Variants in ATP2B2 observed in about 807,000 individuals in gnomAD.
The protein encoded by ATP2B2 is ATPase plasma membrane Ca2+ transporting 2.
ATP2B2 carries 15 observed loss-of-function variants against 120.0 expected under a neutral mutation model. That is an observed-to-expected ratio of 0.12 (90% confidence interval 0.08 to 0.19). The LOEUF is 0.19. Among genes scored for constraint, ATP2B2 ranks in the 10% least tolerant of loss-of-function variants. The pLI is 1.00. For synonymous variants in ATP2B2, 694 were observed against 700.3 expected (o/e 0.99, Z 0.14); for missense variants, 1,045 against 1,719.8 (o/e 0.61, Z 6.94).
At position 10,349,978 on chromosome 3, in the gene ATP2B2, T is replaced by C. The variant is rs1574978365; in HGVS notation, c.2404+134A>G. The C allele has an allele frequency of 3.5e-6, 3 of 859,578 alleles. No individual in the cohort carries two copies. In the East Asian group the frequency reaches 8.0e-5, roughly 23 times the overall value. 53.2% of individuals were successfully genotyped at this position (859,578 alleles called of 1,614,324 possible). On this transcript the variant is annotated intron_variant, in intron 16 of 22. Coordinates refer to ENST00000360273, the MANE Select transcript of ATP2B2 (RefSeq NM_001001331.4). Reference sequence around the variant, plus strand: ...GGCTGAAAAGGGGGTGACATAAGGCTGTGCCCAGGTGTGGAGAGTCAGGGG... The same window carrying C: ...GGCTGAAAAGGGGGTGACATAAGGCCGTGCCCAGGTGTGGAGAGTCAGGGG...
intron 1 of ATP2B2, among the ~76,000 whole-genome samples, chr3:10,473,702 A>T (rs1277060545): frequency 6.6e-6 from 1 of 152,174 alleles, no homozygotes; most frequent in African/African-American, 2.4e-5. Context: ...TGCCAGGGGG[A>T]TGTGCAAAGA....
At chr3:10,621,917 C>T (rs1241424559) in intron 1 of ATP2B2, among the ~76,000 whole-genome samples, 1 of 152,244 alleles carries the variant, frequency 6.6e-6, no homozygotes, top group East Asian at 1.9e-4. Context: ...TGTGCAGAAG[C>T]CCACACACGC....
intron 3 of ATP2B2, among the ~76,000 whole-genome samples, chr3:10,531,092 T>G (rs1436551161): frequency 1.3e-5 from 2 of 152,204 alleles, no homozygotes; most frequent in African/African-American, 4.8e-5. Context: ...AGCTGCTTTG[T>G]GGTTGGAACA....
At chr3:10,432,076 C>T (rs2063333179) in intron 2 of ATP2B2, among the ~76,000 whole-genome samples, 2 of 152,206 alleles carry the variant, frequency 1.3e-5, no homozygotes, top group East Asian at 3.8e-4. Context: ...GAAAAAATAT[C>T]TACAAGCTGA....
intron 1 of ATP2B2, among the ~76,000 whole-genome samples, chr3:10,699,053 G>A (rs115897908): frequency 0.01 from 1,586 of 152,180 alleles, 28 homozygotes; most frequent in African/African-American, 0.036. Context: ...GGTTCCCTCC[G>A]GCCTTCCAGC....
chr3:10,696,137 A>C (rs978523835), intron 1 of ATP2B2, among the ~76,000 whole-genome samples: 7 of 152,178 alleles, frequency 4.6e-5, no homozygotes, highest in Non-Finnish European at 7.3e-5. Flanking sequence ...GTGTTTGCAG[A>C]TAAAAATACT....
At chr3:10,666,088 C>G (rs1033460961) in intron 1 of ATP2B2, among the ~76,000 whole-genome samples, 1 of 152,210 alleles carries the variant, frequency 6.6e-6, no homozygotes, top group African/African-American at 2.4e-5. Flanking sequence ...CTGCTTAGAG[C>G]TTTCCTGCAG....
chr3:10,586,386 T>A (rs2068510805), intron 2 of ATP2B2, among the ~76,000 whole-genome samples: 1 of 152,156 alleles, frequency 6.6e-6, no homozygotes, highest in African/African-American at 2.4e-5. Context: ...GTCTCCATCA[T>A]CCCAAGAGGC....
chr3:10,363,638 C>G (rs775024), intron 12 of ATP2B2, among the ~76,000 whole-genome samples: 1 of 151,748 alleles, frequency 6.6e-6, no homozygotes, highest in African/African-American at 2.4e-5. Flanking sequence ...CTACACGTTA[C>G]GGATAACATT....
chr3:10,380,056 GA>G (rs2061489894), intron 8 of ATP2B2, among the ~76,000 whole-genome samples: 2 of 152,208 alleles, frequency 1.3e-5, no homozygotes, highest in Admixed American at 1.3e-4. Context: ...TGGGGGTGCT[GA>G]CCCCTTGGTA....
chr3:10,677,328 G>C (rs2071271514), intron 1 of ATP2B2, among the ~76,000 whole-genome samples: 1 of 152,128 alleles, frequency 6.6e-6, no homozygotes, highest in Admixed American at 6.5e-5. Flanking sequence ...ATACTATAAG[G>C]TTCCAAGTCT....
rs150536494 is a variant in ATP2B2 at position 10,378,462 on chromosome 3, T to C, written c.1043-52A>G. 1.2e-3 allele frequency: 1,856 copies of C among 1,597,086 alleles called. 29 individuals are homozygous for C. The South Asian group carries it at 0.016, about 14-fold the overall frequency. On this transcript the variant is annotated intron_variant, in intron 9 of 22. Coordinates refer to ENST00000360273, the MANE Select transcript of ATP2B2 (RefSeq NM_001001331.4). ...ATACACACAGACACATAGACACACA[T>C]GCAGGTCAGCCCACAGGGTGGAGAC...
chr3:10,693,154 GA>G (rs2071694248), intron 1 of ATP2B2, among the ~76,000 whole-genome samples: 1 of 152,194 alleles, frequency 6.6e-6, no homozygotes, highest in Non-Finnish European at 1.5e-5. Flanking sequence ...ACAACCTGTG[GA>G]TCTAAGGCTT....
intron 1 of ATP2B2, among the ~76,000 whole-genome samples, chr3:10,662,755 G>A (rs1490615854): frequency 1.3e-5 from 2 of 151,916 alleles, no homozygotes; most frequent in African/African-American, 4.8e-5. Flanking sequence ...TATACCTAAA[G>A]GACTATAAAT....
In ATP2B2 at chr3:10,400,980, C is replaced by T. The variant is rs375973812; in HGVS notation, c.754G>A (p.Val252Met). 26 of 1,613,980 alleles carry T rather than the reference C, an allele frequency of 1.6e-5. No individual in the cohort carries two copies. Among genetic ancestry groups the T allele is most frequent in the South Asian group, 2.2e-5 (2 of 91,080 alleles). Residue 252 changes from valine (V) to methionine (M), a missense_variant, in exon 5 of 23, where the codon GTG becomes ATG. By Grantham distance (21) the Val-to-Met change is conservative. Around this residue, in one of 11 missense-constraint regions of ATP2B2, gnomAD observed 145 missense variants for 202.0 expected, o/e 0.72. Coordinates refer to ENST00000360273, the MANE Select transcript of ATP2B2 (RefSeq NM_001001331.4). The stretch of plus-strand genomic sequence containing the variant: ...GACAGCAGCATGGGGTCCTTGTCCA[C>T]GGACTTGCGCACCTGGTCAGACTCT... Reference protein sequence around the residue: ...TGESDQVRKSVDKDPMLLSGT... With the variant: ...TGESDQVRKSMDKDPMLLSGT...
At chr3:10,574,198 C>T (rs183241455) in intron 2 of ATP2B2, among the ~76,000 whole-genome samples, 1 of 152,148 alleles carries the variant, frequency 6.6e-6, no homozygotes, top group East Asian at 1.9e-4. Flanking sequence ...GGTTTTGGTT[C>T]CTGCCTCCCT....
chr3:10,573,402 C>A (rs1445379823), intron 2 of ATP2B2, among the ~76,000 whole-genome samples: 1 of 152,158 alleles, frequency 6.6e-6, no homozygotes, highest in Non-Finnish European at 1.5e-5. Context: ...AGAGTAAGCT[C>A]CTGCATGGCA....
At chr3:10,540,640 G>T (rs1040376984) in intron 2 of ATP2B2, among the ~76,000 whole-genome samples, 1 of 148,280 alleles carries the variant, frequency 6.7e-6, no homozygotes, top group East Asian at 2.0e-4. Flanking sequence ...AACATTGCGT[G>T]TTCTCACTCA....
chr3:10,394,100 G>T (rs1471157850), intron 5 of ATP2B2, among the ~76,000 whole-genome samples: 1 of 152,040 alleles, frequency 6.6e-6, no homozygotes, highest in African/African-American at 2.4e-5. Context: ...TTGATCTCTT[G>T]CGTGTGACCT....
Sources: gnomAD v4.1 joint callset for allele counts (sites outside exome capture counted in the v4.1 genomes callset) on GRCh38, gnomAD v4.1.1 for gene constraint, gnomAD v4.1.1 regional missense constraint, MANE v1.5 for transcripts, NCBI Gene and HGNC (gene_info 2026-07-23, HGNC 2026-07-21) for gene names.